The following LRFN5 variants were observed in gnomAD, a reference collection of about 807,000 sequenced individuals.
The protein encoded by LRFN5 is leucine-rich repeat and fibronectin type-III domain-containing protein 5.
LRFN5 carries 24 observed loss-of-function variants against 45.6 expected under a neutral mutation model. The ratio of observed to expected loss-of-function variants is 0.53; its 90% CI spans 0.38 to 0.74. LRFN5 has a LOEUF of 0.74. Ranked by LOEUF, LRFN5 falls within the 30% of genes least tolerant of loss-of-function variation. The probability of loss-of-function intolerance (pLI) is 0.00; values close to 1 mark genes in which losing one functional copy is unlikely to be tolerated. For synonymous variants in LRFN5, 340 were observed against 313.8 expected (o/e 1.08, Z -0.88); for missense variants, 776 against 861.5 (o/e 0.90, Z 1.24).
At chr14:41,902,005 A>G (rs1486448557) in intron 5 of LRFN5, among the ~76,000 whole-genome samples, 1 of 152,020 alleles carries the variant, frequency 6.6e-6, no homozygotes, top group Non-Finnish European at 1.5e-5. Flanking sequence ...TGGGTCAGCA[A>G]TGACCTTTAG....
chr14:41,710,596 T>A (rs1405791649), intron 1 of LRFN5, among the ~76,000 whole-genome samples: 1 of 62,284 alleles, frequency 1.6e-5, no homozygotes, highest in East Asian at 1.2e-3. Flanking sequence ...ATAAAACAAA[T>A]TAAAACATAT....
intron 5 of LRFN5, among the ~76,000 whole-genome samples, chr14:41,901,978 T>TA (rs1339607176): frequency 6.6e-6 from 1 of 151,990 alleles, no homozygotes; most frequent in Non-Finnish European, 1.5e-5. Context: ...TAACAAATTT[T>TA]AAAAAAGGAG....
intron 1 of LRFN5, among the ~76,000 whole-genome samples, chr14:41,646,033 T>A (rs910835733): frequency 6.6e-6 from 1 of 152,152 alleles, no homozygotes; most frequent in African/African-American, 2.4e-5. Context: ...GAGTATACAG[T>A]GGTGTTTCAA....
At chr14:41,634,415 C>T (rs1005783195) in intron 1 of LRFN5, among the ~76,000 whole-genome samples, 2 of 152,132 alleles carry the variant, frequency 1.3e-5, no homozygotes, top group African/African-American at 4.8e-5. Context: ...CGTGGAGTCT[C>T]CCGATGTTCA....
intron 2 of LRFN5, among the ~76,000 whole-genome samples, chr14:41,882,991 G>A (rs1249202175): frequency 6.6e-6 from 1 of 151,672 alleles, no homozygotes; most frequent in East Asian, 1.9e-4. Flanking sequence ...TGGGACTACA[G>A]TTGCACGCCA....
chr14:41,616,573 G>T (rs1462142338), intron 1 of LRFN5, among the ~76,000 whole-genome samples: 2 of 152,036 alleles, frequency 1.3e-5, no homozygotes, highest in East Asian at 3.9e-4. Context: ...CAGTTTTTCA[G>T]CCTCTATATG....
chr14:41,657,238 A>G (rs1880421216), intron 1 of LRFN5, among the ~76,000 whole-genome samples: 1 of 151,956 alleles, frequency 6.6e-6, no homozygotes, highest in Non-Finnish European at 1.5e-5. Flanking sequence ...TTCAGCTTTT[A>G]TGTTTATTTA....
intron 1 of LRFN5, among the ~76,000 whole-genome samples, chr14:41,635,134 G>C (rs1879241427): frequency 6.6e-6 from 1 of 151,938 alleles, no homozygotes; most frequent in Admixed American, 6.6e-5. Flanking sequence ...TTAGAACTTA[G>C]AGAAACATCA....
At chr14:41,843,745 A>G (rs577106082) in intron 2 of LRFN5, among the ~76,000 whole-genome samples, 2 of 152,204 alleles carry the variant, frequency 1.3e-5, no homozygotes, top group Non-Finnish European at 2.9e-5. Context: ...AAATGCACCT[A>G]CATCTGAATA....
chr14:41,833,155 CT>C (rs1256366077), intron 2 of LRFN5, among the ~76,000 whole-genome samples: 10 of 152,108 alleles, frequency 6.6e-5, no homozygotes, highest in Non-Finnish European at 1.5e-5. Context: ...GAAATTTATC[CT>C]GATAAGCTCA....
intron 1 of LRFN5, among the ~76,000 whole-genome samples, chr14:41,638,634 T>C (rs1879420085): frequency 6.6e-6 from 1 of 152,168 alleles, no homozygotes; most frequent in South Asian, 2.1e-4. Context: ...CTGAAATTCA[T>C]GTTCTGTGAG....
chr14:41,849,917 A>T (rs753617313), intron 2 of LRFN5, among the ~76,000 whole-genome samples: 18 of 151,966 alleles, frequency 1.2e-4, no homozygotes, highest in Non-Finnish European at 2.5e-4. Context: ...AAACTTGTTT[A>T]TAAAAAATAT....
At chr14:41,657,202 C>T (rs1880419054) in intron 1 of LRFN5, among the ~76,000 whole-genome samples, 1 of 151,756 alleles carries the variant, frequency 6.6e-6, no homozygotes, top group African/African-American at 2.4e-5. Flanking sequence ...AAAGGATTTT[C>T]CTAATTAGCA....
intron 3 of LRFN5, among the ~76,000 whole-genome samples, chr14:41,890,154 G>T (rs533883386): frequency 6.6e-6 from 1 of 152,000 alleles, no homozygotes; most frequent in Admixed American, 6.5e-5. Flanking sequence ...ATGAGCCACC[G>T]CAGTGAAAGT....
chr14:41,904,172 C>A lies in LRFN5; in HGVS notation c.2157C>A (p.Ile719=). The A allele has an allele frequency of 6.2e-7, 1 of 1,605,692 alleles. No homozygotes were observed. Among genetic ancestry groups the A allele is most frequent in the Non-Finnish European group, 8.5e-7 (1 of 1,177,054 alleles). ...IVQETQRLEL[I] ...TTTCATTTCAGAGGCTGGAGTTAAT[C>A]TGAAGAGCACCACTTCTCCTCTCTC... Residue 719 remains isoleucine, a synonymous_variant, in exon 6 of 6, where the codon ATC becomes ATA. Transcript: ENST00000298119.
At chr14:41,674,213 A>C (rs1446080566) in intron 1 of LRFN5, among the ~76,000 whole-genome samples, 1 of 120,654 alleles carries the variant, frequency 8.3e-6, no homozygotes, top group African/African-American at 3.2e-5. Context: ...TGACCCCCCC[A>C]CCTCCCTCCC....
At chr14:41,801,025 A>G (rs1887311152) in intron 2 of LRFN5, among the ~76,000 whole-genome samples, 1 of 152,092 alleles carries the variant, frequency 6.6e-6, no homozygotes, top group Admixed American at 6.6e-5. Context: ...TTTTGTTTAT[A>G]TATAATGACA....
At chr14:41,885,267 G>A (rs1325754187) in intron 2 of LRFN5, among the ~76,000 whole-genome samples, 1 of 150,496 alleles carries the variant, frequency 6.6e-6, no homozygotes, top group Non-Finnish European at 1.5e-5. Context: ...CGAGACTGCA[G>A]TGAGCCATGA....
chr14:41,736,144 T>C (rs1023384894), intron 1 of LRFN5, among the ~76,000 whole-genome samples: 6 of 152,202 alleles, frequency 3.9e-5, no homozygotes, highest in Non-Finnish European at 5.9e-5. Flanking sequence ...CTGGGTCAAA[T>C]GGTATTTCTG....
Sources: gnomAD v4.1 joint callset for allele counts (sites outside exome capture counted in the v4.1 genomes callset) on GRCh38, gnomAD v4.1.1 for gene constraint, MANE v1.5 for transcripts, NCBI Gene and HGNC (gene_info 2026-07-23, HGNC 2026-07-21) for gene names.